Variants in LDB2 observed in about 807,000 individuals in gnomAD.
LDB2 encodes the protein LIM domain binding 2.
A neutral mutation model predicts 44.3 loss-of-function variants in LDB2; 12 were observed. That is an observed-to-expected ratio of 0.27 (90% CI 0.17 to 0.44). The LOEUF is 0.44. Among genes scored for constraint, LDB2 ranks in the 20% least tolerant of loss-of-function variants. The pLI is 1.00. For synonymous variants in LDB2, 164 were observed against 174.8 expected, an observed-to-expected ratio of 0.94 and a Z score of 0.49; for missense variants, 344 against 473.5, an observed-to-expected ratio of 0.73 and a Z score of 2.54.
chr4:16,749,569 A>AT (rs1188707660), intron 2 of LDB2, among the ~76,000 whole-genome samples: 92 of 138,558 alleles, frequency 6.6e-4, no homozygotes, highest in African/African-American at 2.5e-3. Flanking sequence ...AAAAAAAAAA[A>AT]AAATAAAAAA....
chr4:16,625,017 G>A (rs139267902), intron 2 of LDB2, among the ~76,000 whole-genome samples: 8 of 152,222 alleles, frequency 5.3e-5, no homozygotes, highest in African/African-American at 1.9e-4. Context: ...GCTCCCCATT[G>A]TGCTCAAGAT....
intron 1 of LDB2, among the ~76,000 whole-genome samples, chr4:16,793,460 G>C (rs1435185283): frequency 1.3e-5 from 2 of 152,122 alleles, no homozygotes; most frequent in Non-Finnish European, 2.9e-5. Context: ...AGCCCAAACC[G>C]TCAAACCATC....
chr4:16,873,852 C>T (rs1429420179), intron 1 of LDB2, among the ~76,000 whole-genome samples: 1 of 152,122 alleles, frequency 6.6e-6, no homozygotes, highest in Non-Finnish European at 1.5e-5. Context: ...TTCATGATCC[C>T]AACATGGTCT....
intron 5 of LDB2, among the ~76,000 whole-genome samples, chr4:16,565,793 G>A (rs1744298233): frequency 1.3e-5 from 2 of 151,860 alleles, no homozygotes; most frequent in African/African-American, 4.8e-5. Flanking sequence ...AGGTGTCTGG[G>A]AATAAAATTA....
intron 2 of LDB2, among the ~76,000 whole-genome samples, chr4:16,709,093 C>T (rs1353317672): frequency 8.7e-6 from 1 of 114,516 alleles, no homozygotes; most frequent in East Asian, 5.1e-4. Context: ...GAGAAGCTGT[C>T]TATTCTATCA....
intron 2 of LDB2, among the ~76,000 whole-genome samples, chr4:16,743,708 A>G (rs985485075): frequency 6.6e-6 from 1 of 152,106 alleles, no homozygotes; most frequent in Non-Finnish European, 1.5e-5. Context: ...AGCCAGAAAA[A>G]AAAACCCAGA....
intron 5 of LDB2, among the ~76,000 whole-genome samples, chr4:16,561,840 A>C (rs1013254529): frequency 6.6e-6 from 1 of 152,236 alleles, no homozygotes; most frequent in African/African-American, 2.4e-5. Flanking sequence ...TACAGTAACC[A>C]AAACAGCATG....
chr4:16,775,211 T>C (rs1771627454), intron 1 of LDB2, among the ~76,000 whole-genome samples: 1 of 152,220 alleles, frequency 6.6e-6, no homozygotes. Flanking sequence ...ATATAATACA[T>C]GGACCAGTGA....
At chr4:16,791,556 G>GAAAA (rs67578284) in intron 1 of LDB2, among the ~76,000 whole-genome samples, 5 of 59,020 alleles carry the variant, frequency 8.5e-5, no homozygotes, top group Non-Finnish European at 1.3e-4. Flanking sequence ...CTCTGGCTCA[G>GAAAA]AAAAAAAAAA....
chr4:16,587,730 A>T (rs2048037), intron 4 of LDB2, among the ~76,000 whole-genome samples: 98,681 of 151,936 alleles, frequency 0.65, 32,349 homozygotes, highest in Admixed American at 0.75. Context: ...AGTCAGAACC[A>T]CCTCGGGCAA....
chr4:16,709,668 A>T (rs1476031532), intron 2 of LDB2, among the ~76,000 whole-genome samples: 3 of 152,204 alleles, frequency 2.0e-5, no homozygotes, highest in Non-Finnish European at 4.4e-5. Flanking sequence ...ATTTTTTGCC[A>T]ACGTAAAACA....
At chr4:16,698,399 T>C (rs1219773490) in intron 2 of LDB2, among the ~76,000 whole-genome samples, 1 of 152,206 alleles carries the variant, frequency 6.6e-6, no homozygotes, top group Non-Finnish European at 1.5e-5. Context: ...CCAGCAGTAG[T>C]GTATGATAAT....
chr4:16,754,798 C>A (rs984106647), intron 2 of LDB2, among the ~76,000 whole-genome samples: 3 of 152,194 alleles, frequency 2.0e-5, no homozygotes, highest in Non-Finnish European at 2.9e-5. Flanking sequence ...TCCTAAAGTG[C>A]TGGGATTACA....
intron 1 of LDB2, among the ~76,000 whole-genome samples, chr4:16,810,433 G>C (rs1353698736): frequency 6.6e-6 from 1 of 152,126 alleles, no homozygotes; most frequent in East Asian, 1.9e-4. Flanking sequence ...CTAAATCTCA[G>C]TTTTTCAATT....
intron 1 of LDB2, among the ~76,000 whole-genome samples, chr4:16,765,462 A>G (rs1458492173): frequency 2.0e-5 from 3 of 152,224 alleles, no homozygotes; most frequent in African/African-American, 4.8e-5. Flanking sequence ...CTTGACAACT[A>G]TAATCCCAAT....
intron 2 of LDB2, among the ~76,000 whole-genome samples, chr4:16,722,596 G>A (rs513606): frequency 0.4 from 60,199 of 151,604 alleles, 12,015 homozygotes; most frequent in Admixed American, 0.44. Context: ...AGATGCCATC[G>A]TATCCTAAAT....
chr4:16,646,706 G>C (rs899426137), intron 2 of LDB2, among the ~76,000 whole-genome samples: 2 of 152,128 alleles, frequency 1.3e-5, no homozygotes, highest in African/African-American at 4.8e-5. Flanking sequence ...ACTGAGATTT[G>C]GTGCTTTTTA....
At chr4:16,744,141 CAT>C (rs1763893188) in intron 2 of LDB2, among the ~76,000 whole-genome samples, 1 of 148,168 alleles carries the variant, frequency 6.7e-6, no homozygotes, top group Non-Finnish European at 1.5e-5. Context: ...TAAATAGACT[CAT>C]GTGGTTTGTT....
intron 5 of LDB2, among the ~76,000 whole-genome samples, chr4:16,523,874 G>A (rs1727221269): frequency 6.6e-6 from 1 of 152,152 alleles, no homozygotes; most frequent in Admixed American, 6.6e-5. Flanking sequence ...CGAAACTGCA[G>A]GAAACAAAAC....
Sources: gnomAD v4.1 joint callset for allele counts (sites outside exome capture counted in the v4.1 genomes callset) on GRCh38, gnomAD v4.1.1 for gene constraint, MANE v1.5 for transcripts, NCBI Gene and HGNC (gene_info 2026-07-23, HGNC 2026-07-21) for gene names.